PPP1R12A: variants seen among roughly 807,000 people sequenced by gnomAD.
PPP1R12A encodes myosin binding subunit.
In PPP1R12A, 19 loss-of-function variants were observed where a neutral mutation model predicts 139.6. The observed-to-expected ratio is 0.14, with a 90% CI of 0.09 to 0.20. The LOEUF (loss-of-function observed/expected upper bound fraction) is 0.20, where lower values mean the gene tolerates loss of function less well. Ranked by LOEUF, PPP1R12A falls within the 10% of genes least tolerant of loss-of-function variation. PPP1R12A has a pLI of 1.00. For synonymous variants in PPP1R12A, 427 were observed against 420.6 expected, an observed-to-expected ratio of 1.02 and a Z score of -0.19; for missense variants, 925 against 1,211.5, an observed-to-expected ratio of 0.76 and a Z score of 3.51.
At chr12:79,900,934 C>T (rs2137471212) in intron 1 of PPP1R12A, among the ~76,000 whole-genome samples, 1 of 152,288 alleles carries the variant, frequency 6.6e-6, no homozygotes, top group East Asian at 1.9e-4. Flanking sequence ...AAACAGGTTA[C>T]TGTGAAGAGA....
chr12:79,789,484 G>T, intron 20 of PPP1R12A: 1 of 296,596 alleles, frequency 3.4e-6, no homozygotes, highest in South Asian at 3.0e-5. Flanking sequence ...TCTTAGATTT[G>T]ATGAAATAAA....
At chr12:79,840,919 G>C (rs1878625160) in intron 3 of PPP1R12A, among the ~76,000 whole-genome samples, 1 of 151,982 alleles carries the variant, frequency 6.6e-6, no homozygotes, top group African/African-American at 2.4e-5. Context: ...TTCACTATCT[G>C]GCTCTGACCT....
intron 5 of PPP1R12A, among the ~76,000 whole-genome samples, chr12:79,827,014 T>A (rs1038006667): frequency 6.6e-6 from 1 of 152,094 alleles, no homozygotes; most frequent in East Asian, 1.9e-4. Context: ...CAGAAAAAAA[T>A]TTCTGAAGGG....
chr12:79,904,730 CTG>C (rs1410405385), intron 1 of PPP1R12A, among the ~76,000 whole-genome samples: 1 of 152,150 alleles, frequency 6.6e-6, no homozygotes, highest in Non-Finnish European at 1.5e-5. Context: ...GTGAAAGCAT[CTG>C]CAGATTTCAC....
At chr12:79,881,644 C>G (rs1883647561) in intron 1 of PPP1R12A, among the ~76,000 whole-genome samples, 1 of 152,166 alleles carries the variant, frequency 6.6e-6, no homozygotes. Flanking sequence ...CTTCCAGATG[C>G]AGCTAAAATC....
Position 79,795,788 on chromosome 12 carries a change from T to C in PPP1R12A, c.2462-29A>G, listed in dbSNP as rs370476283. ...TTAAGGATTGCAATGAACCACAATA[T>C]AGCAATATATCTTGACAATATTTTG... On this transcript the variant is annotated intron_variant, in intron 17 of 24. Coordinates refer to ENST00000450142, the MANE Select transcript of PPP1R12A (RefSeq NM_002480.3). The C allele has an allele frequency of 3.1e-5, 49 of 1,593,974 alleles. No homozygotes were observed. The Middle Eastern group carries it at 5.0e-4, about 16-fold the overall frequency.
At chr12:79,808,687 T>C (rs943390634) in intron 10 of PPP1R12A, 110 bp from the exon 11 acceptor site, 8 of 501,674 alleles carry the variant, frequency 1.6e-5, no homozygotes, top group African/African-American at 5.8e-5. Flanking sequence ...ATAGCTATCA[T>C]AGTTTACAGT....
chr12:79,773,848 A>G lies in PPP1R12A; in HGVS notation c.*2081T>C, dbSNP rs947705100. ...AAATAGTTTTATTCATTTTATTTGT[A>G]TATGTCAAAATACATTTTTATTTCC... On this transcript the variant is annotated 3_prime_UTR_variant, in exon 25 of 25. Transcript: ENST00000450142. 1.1e-4 allele frequency: 17 copies of G among 152,246 alleles called. No homozygotes were observed. Among genetic ancestry groups the G allele is most frequent in the Non-Finnish European group, 2.9e-5 (2 of 68,030 alleles). The allele number at this position is 152,246 out of a possible 1,614,324, so 9.4% of individuals were successfully genotyped here.
chr12:79,820,708 T>A (rs1875999088), intron 8 of PPP1R12A, 66 bp downstream of exon 8: 2 of 1,539,282 alleles, frequency 1.3e-6, no homozygotes, highest in African/African-American at 2.8e-5. Context: ...AAAAATTACG[T>A]CTCATCTTGT....
chr12:79,806,393 T>C (rs1873839999), intron 12 of PPP1R12A, 60 bp from the exon 13 acceptor site: 3 of 1,420,322 alleles, frequency 2.1e-6, no homozygotes, highest in South Asian at 1.4e-5. Flanking sequence ...ATAGTTAATG[T>C]CTATACATTA....
chr12:79,901,052 TGGAA>T (rs1359909704), intron 1 of PPP1R12A, among the ~76,000 whole-genome samples: 1 of 152,084 alleles, frequency 6.6e-6, no homozygotes, highest in Admixed American at 6.6e-5. Context: ...CTATTTTGGG[TGGAA>T]GGAACAGTTA....
chr12:79,854,375 C>T (rs1380012930), intron 2 of PPP1R12A, among the ~76,000 whole-genome samples: 1 of 152,132 alleles, frequency 6.6e-6, no homozygotes, highest in Non-Finnish European at 1.5e-5. Context: ...ATATTTCTGG[C>T]TTCCTACTGT....
intron 19 of PPP1R12A, among the ~76,000 whole-genome samples, chr12:79,791,827 T>C: frequency 6.6e-6 from 1 of 152,166 alleles, no homozygotes; most frequent in East Asian, 1.9e-4. Flanking sequence ...CTCCTCTTCC[T>C]AGCTCTGGCA....
At chr12:79,918,872 T>G (rs767040698) in intron 1 of PPP1R12A, among the ~76,000 whole-genome samples, 2 of 152,168 alleles carry the variant, frequency 1.3e-5, no homozygotes, top group East Asian at 1.9e-4. Context: ...TCCCAGCACT[T>G]TGGGAGGCCA....
At chr12:79,888,591 T>TTCCTAGTAAAAATGGCA (rs71309569) in intron 1 of PPP1R12A, among the ~76,000 whole-genome samples, 15,528 of 152,106 alleles carry the variant, frequency 0.1, 2,136 homozygotes, top group African/African-American at 0.32. Flanking sequence ...TAAGAAGTTC[T>TTCCTAGTAAAAATGGCA]TCCTAGTAAA....
At chr12:79,888,471 TAAGA>T (rs1884306274) in intron 1 of PPP1R12A, among the ~76,000 whole-genome samples, 2 of 152,010 alleles carry the variant, frequency 1.3e-5, no homozygotes, top group Admixed American at 1.3e-4. Flanking sequence ...CATGAGTATT[TAAGA>T]AAGGGGAAAC....
intron 2 of PPP1R12A, chr12:79,848,682 C>A (rs903985633): frequency 6.6e-6 from 1 of 152,254 alleles, no homozygotes; most frequent in East Asian, 1.9e-4. Context: ...TGCAAACACA[C>A]AATTCACAAA....
At chr12:79,884,833 C>G (rs1442764822) in intron 1 of PPP1R12A, among the ~76,000 whole-genome samples, 1 of 152,066 alleles carries the variant, frequency 6.6e-6, no homozygotes, top group African/African-American at 2.4e-5. Flanking sequence ...GAGTTGTAAA[C>G]TGATTCAAGT....
intron 1 of PPP1R12A, among the ~76,000 whole-genome samples, chr12:79,932,520 G>A (rs931416565): frequency 7.9e-5 from 12 of 152,296 alleles, no homozygotes; most frequent in Admixed American, 2.0e-4. Context: ...AAGGGGAGGC[G>A]GTTGGAGATT....
Sources: allele counts gnomAD v4.1 joint callset (sites outside exome capture counted in the v4.1 genomes callset), GRCh38; gene constraint gnomAD v4.1.1; transcripts MANE v1.5; gene names NCBI Gene and HGNC (gene_info 2026-07-23, HGNC 2026-07-21).